STK39: variants seen among roughly 807,000 people sequenced by gnomAD.
The protein encoded by STK39 is serine/threonine kinase 39, also known as STE20/SPS1-related proline-alanine-rich protein kinase.
STK39 carries 20 observed loss-of-function variants against 77.8 expected under a neutral mutation model. The observed-to-expected ratio is 0.26, with a 90% CI of 0.18 to 0.37. STK39 has a LOEUF of 0.37. Among genes scored for constraint, STK39 ranks in the 10% least tolerant of loss-of-function variants. STK39 has a pLI of 1.00. For missense variants in STK39, 479 were observed against 656.5 expected (o/e 0.73, Z 2.95); for synonymous variants, 246 against 234.1 (o/e 1.05, Z -0.47).
intron 16 of STK39, among the ~76,000 whole-genome samples, chr2:168,006,079 A>G (rs911163476): frequency 6.6e-6 from 1 of 152,206 alleles, no homozygotes; most frequent in African/African-American, 2.4e-5. Context: ...AACTCCACTT[A>G]AAGGAAACAG....
chr2:168,042,577 CTT>C (rs540413448), intron 14 of STK39, among the ~76,000 whole-genome samples: 9,073 of 132,948 alleles, frequency 0.068, 402 homozygotes, highest in Admixed American at 0.14. Context: ...TTCCTTCCTT[CTT>C]TTTTTTTTTT....
At chr2:168,086,927 G>GGGCAACAAAGAACAAT (rs1686383556) in intron 10 of STK39, among the ~76,000 whole-genome samples, 1 of 152,154 alleles carries the variant, frequency 6.6e-6, no homozygotes, top group Admixed American at 6.5e-5. Context: ...CCCCAAGTGA[G>GGGCAACAAAGAACAAT]GGCAACAAAG....
chr2:167,961,203 C>T (rs985117552), intron 17 of STK39, among the ~76,000 whole-genome samples: 4 of 152,176 alleles, frequency 2.6e-5, no homozygotes, highest in African/African-American at 9.7e-5. Flanking sequence ...CTGCACTTGG[C>T]AAAATGTTGC....
chr2:168,158,032 A>C (rs1024743250), intron 5 of STK39, among the ~76,000 whole-genome samples: 2 of 152,200 alleles, frequency 1.3e-5, no homozygotes, highest in African/African-American at 2.4e-5. Context: ...AATTCTGGAC[A>C]AACAGGCTTA....
intron 8 of STK39, among the ~76,000 whole-genome samples, chr2:168,132,856 G>T (rs529647656): frequency 6.6e-6 from 1 of 152,298 alleles, no homozygotes; most frequent in South Asian, 2.1e-4. Context: ...GCACAGAACA[G>T]AAACTGCTAC....
intron 2 of STK39, among the ~76,000 whole-genome samples, chr2:168,171,680 G>A (rs1354018854): frequency 6.6e-6 from 1 of 151,752 alleles, no homozygotes; most frequent in African/African-American, 2.4e-5. Context: ...GTAGAGACAG[G>A]GTCTCACTGT....
chr2:168,004,491 G>A (rs755271939), intron 16 of STK39, among the ~76,000 whole-genome samples: 139 of 152,198 alleles, frequency 9.1e-4, no homozygotes, highest in Non-Finnish European at 1.8e-3. Flanking sequence ...CCAGCACTTT[G>A]GGAGGCCGAG....
intron 16 of STK39, among the ~76,000 whole-genome samples, chr2:167,987,952 CTA>C (rs1360981471): frequency 6.6e-6 from 1 of 152,156 alleles, no homozygotes; most frequent in Non-Finnish European, 1.5e-5. Context: ...TACAGCTATT[CTA>C]TGAGGTTGGA....
chr2:168,003,571 C>T (rs564133048), intron 16 of STK39, among the ~76,000 whole-genome samples: 19 of 152,164 alleles, frequency 1.2e-4, no homozygotes, highest in Admixed American at 9.8e-4. Flanking sequence ...AGAAACCCTA[C>T]GTCATATCTA....
At chr2:168,130,373 A>G (rs774831626) in intron 8 of STK39, among the ~76,000 whole-genome samples, 2 of 152,222 alleles carry the variant, frequency 1.3e-5, no homozygotes, top group Non-Finnish European at 2.9e-5. Context: ...TCTCTAGCCC[A>G]TATTTCCTGT....
At position 168,220,529 on chromosome 2, in the gene STK39, T is replaced by C. The variant is rs545389092; in HGVS notation, c.208+26699A>G. ...AAGTACTTGGCAGAGCAGCGATTAA[T>C]AGAGCACTGATAGGTGAAAGAGATG... On this transcript the variant is annotated intron_variant, in intron 1 of 17. Transcript: ENST00000355999. Among the ~76,000 whole-genome samples the C allele has an allele frequency of 1.0e-3, 155 of 152,290 alleles. 1 individual carries two copies. Among genetic ancestry groups the C allele is most frequent in the African/African-American group, 3.5e-3 (144 of 41,538 alleles).
chr2:168,166,775 C>T (rs1312727704), intron 3 of STK39, among the ~76,000 whole-genome samples: 1 of 152,170 alleles, frequency 6.6e-6, no homozygotes, highest in African/African-American at 2.4e-5. Context: ...AGCAGCACCT[C>T]AGAACATTTC....
At chr2:168,184,254 G>A (rs926751765) in intron 1 of STK39, among the ~76,000 whole-genome samples, 8 of 152,214 alleles carry the variant, frequency 5.3e-5, no homozygotes, top group African/African-American at 1.9e-4. Context: ...TGGAGGGGTA[G>A]GTGGTGAGAA....
intron 10 of STK39, among the ~76,000 whole-genome samples, chr2:168,084,932 T>C (rs1686328613): frequency 6.6e-6 from 1 of 152,182 alleles, no homozygotes; most frequent in Non-Finnish European, 1.5e-5. Flanking sequence ...ATAGTTTGTG[T>C]TGCAGAACCT....
intron 12 of STK39, among the ~76,000 whole-genome samples, chr2:168,068,462 T>C (rs1186625530): frequency 6.6e-6 from 1 of 152,180 alleles, no homozygotes; most frequent in Non-Finnish European, 1.5e-5. Flanking sequence ...GTAGGCAAAC[T>C]AGTGACATGG....
intron 14 of STK39, among the ~76,000 whole-genome samples, chr2:168,026,211 G>A (rs987274915): frequency 6.6e-6 from 1 of 152,154 alleles, no homozygotes; most frequent in Non-Finnish European, 1.5e-5. Context: ...AACAATGTAA[G>A]TAAGTGCTTA....
At chr2:168,184,001 G>A (rs1486403846) in intron 1 of STK39, among the ~76,000 whole-genome samples, 1 of 152,196 alleles carries the variant, frequency 6.6e-6, no homozygotes, top group Non-Finnish European at 1.5e-5. Flanking sequence ...ATCTTTAGCT[G>A]CTGGTGGGAA....
At chr2:168,082,776 A>G (rs1380735866) in intron 10 of STK39, among the ~76,000 whole-genome samples, 1 of 152,198 alleles carries the variant, frequency 6.6e-6, no homozygotes, top group Non-Finnish European at 1.5e-5. Flanking sequence ...CTTGTTTTCC[A>G]AGTGTTCTGT....
At chr2:168,098,679 C>A (rs183950552) in intron 10 of STK39, among the ~76,000 whole-genome samples, 1 of 152,138 alleles carries the variant, frequency 6.6e-6, no homozygotes, top group Non-Finnish European at 1.5e-5. Flanking sequence ...CTCTGGGGCT[C>A]CTTTCCTCCT....
Sources: allele counts gnomAD v4.1 joint callset (sites outside exome capture counted in the v4.1 genomes callset), GRCh38; gene constraint gnomAD v4.1.1; transcripts MANE v1.5; gene names NCBI Gene and HGNC (gene_info 2026-07-23, HGNC 2026-07-21).